The following ERC2 variants were observed in gnomAD, a reference collection of about 807,000 sequenced individuals.
The protein encoded by ERC2 is ERC protein 2.
Under a neutral mutation model 114.8 loss-of-function variants are expected in ERC2, and 42 were observed. The ratio of observed to expected loss-of-function variants is 0.37; its 90% CI spans 0.29 to 0.47. The LOEUF (loss-of-function observed/expected upper bound fraction) is 0.47. Among genes scored for constraint, ERC2 ranks in the 20% least tolerant of loss-of-function variants. ERC2 has a pLI of 0.99. For synonymous variants in ERC2, 454 were observed against 425.5 expected, an observed-to-expected ratio of 1.07 and a Z score of -0.82; for missense variants, 939 against 1,150.7, an observed-to-expected ratio of 0.82 and a Z score of 2.66.
intron 17 of ERC2, among the ~76,000 whole-genome samples, chr3:55,614,970 TG>T (rs2059065563): frequency 1.3e-5 from 2 of 152,256 alleles, no homozygotes; most frequent in Admixed American, 6.5e-5. Context: ...TAAGGAAGTG[TG>T]TTATCACACC....
At chr3:55,671,764 AC>A in intron 17 of ERC2, among the ~76,000 whole-genome samples, 1 of 152,244 alleles carries the variant, frequency 6.6e-6, no homozygotes, top group African/African-American at 2.4e-5. Flanking sequence ...TGGTAGCTCC[AC>A]CTGCTTGGAA....
At chr3:56,347,963 A>G (rs1435824278) in intron 2 of ERC2, among the ~76,000 whole-genome samples, 1 of 152,212 alleles carries the variant, frequency 6.6e-6, no homozygotes, top group Non-Finnish European at 1.5e-5. Flanking sequence ...TGACTGATAC[A>G]TAGTCCAGCA....
intron 1 of ERC2, among the ~76,000 whole-genome samples, chr3:56,453,009 G>C (rs1312308039): frequency 6.6e-6 from 1 of 152,024 alleles, no homozygotes; most frequent in Non-Finnish European, 1.5e-5. Flanking sequence ...CTTGCAATGG[G>C]TCTAAAAAAA....
chr3:56,094,334 C>T (rs1348446446), intron 6 of ERC2, among the ~76,000 whole-genome samples: 3 of 152,076 alleles, frequency 2.0e-5, no homozygotes, highest in African/African-American at 7.2e-5. Flanking sequence ...CCTGCATTCC[C>T]CAGGGCAACC....
Position 55,809,438 on chromosome 3 carries a change from C to T in ERC2, c.2565-74520G>A, listed in dbSNP as rs554309602. Among the ~76,000 whole-genome samples the T allele has an allele frequency of 7.9e-5, 12 of 152,072 alleles. No homozygotes were observed. The South Asian group carries it at 2.1e-3, about 26-fold the overall frequency. On this transcript the variant is annotated intron_variant, in intron 14 of 17. Transcript: ENST00000288221. Reference sequence around the variant, plus strand: ...ATAGCAAAGGAAACAATCAACAGAGCGAAGAGACAACCTGTTGAATGATTA... The same window carrying T: ...ATAGCAAAGGAAACAATCAACAGAGTGAAGAGACAACCTGTTGAATGATTA...
At chr3:55,769,900 T>C (rs1224817187) in intron 14 of ERC2, among the ~76,000 whole-genome samples, 1 of 152,122 alleles carries the variant, frequency 6.6e-6, no homozygotes, top group Non-Finnish European at 1.5e-5. Context: ...ATGTTGTCAT[T>C]CACAATTATT....
intron 17 of ERC2, among the ~76,000 whole-genome samples, chr3:55,586,815 GAAAACAAAATTT>G (rs1351506665): frequency 1.3e-5 from 2 of 152,098 alleles, no homozygotes; most frequent in Non-Finnish European, 2.9e-5. Context: ...GAACAAAATT[GAAAACAAAATTT>G]AAAACACTTA....
intron 17 of ERC2, among the ~76,000 whole-genome samples, chr3:55,519,811 T>C (rs139130760): frequency 6.6e-6 from 1 of 152,212 alleles, no homozygotes; most frequent in African/African-American, 2.4e-5. Context: ...GGTGGGTGGA[T>C]TGCTTGCCCA....
intron 17 of ERC2, among the ~76,000 whole-genome samples, chr3:55,529,763 C>G (rs2053556582): frequency 6.6e-6 from 1 of 152,192 alleles, no homozygotes; most frequent in Non-Finnish European, 1.5e-5. Context: ...CAGTCAACTA[C>G]TGCTCCCTCA....
At chr3:55,738,927 C>T (rs183207169) in intron 14 of ERC2, among the ~76,000 whole-genome samples, 2 of 152,230 alleles carry the variant, frequency 1.3e-5, no homozygotes, top group African/African-American at 4.8e-5. Flanking sequence ...CAACCCCTGA[C>T]AGGCCCCAGT....
At chr3:55,867,461 C>T (rs922217401) in intron 14 of ERC2, among the ~76,000 whole-genome samples, 5 of 152,246 alleles carry the variant, frequency 3.3e-5, no homozygotes, top group Non-Finnish European at 2.9e-5. Flanking sequence ...TACACAATGC[C>T]ATCTGTATTC....
chr3:55,747,041 T>G (rs1305290741), intron 14 of ERC2, among the ~76,000 whole-genome samples: 1 of 152,196 alleles, frequency 6.6e-6, no homozygotes, highest in Non-Finnish European at 1.5e-5. Context: ...TTCAATTTTT[T>G]TCTGTAGTTA....
At chr3:55,951,787 T>C (rs2067536403) in intron 12 of ERC2, among the ~76,000 whole-genome samples, 1 of 151,996 alleles carries the variant, frequency 6.6e-6, no homozygotes, top group Non-Finnish European at 1.5e-5. Flanking sequence ...ATCACTGCTG[T>C]TTTAAAATGT....
intron 12 of ERC2, among the ~76,000 whole-genome samples, chr3:55,950,876 C>A (rs1021138331): frequency 6.6e-6 from 1 of 152,134 alleles, no homozygotes; most frequent in Non-Finnish European, 1.5e-5. Context: ...TTGAAGGAAA[C>A]AAATAGCATG....
chr3:56,433,932 C>T (rs904220445), intron 2 of ERC2: 4 of 173,050 alleles, frequency 2.3e-5, no homozygotes, highest in Non-Finnish European at 5.0e-5. Context: ...AAATAAAAAT[C>T]AATTCACCAG....
intron 14 of ERC2, among the ~76,000 whole-genome samples, chr3:55,848,208 C>T (rs1371993974): frequency 2.0e-5 from 3 of 152,148 alleles, no homozygotes; most frequent in Admixed American, 6.5e-5. Context: ...CATCTGAAGC[C>T]GTCTTGTCCT....
intron 3 of ERC2, among the ~76,000 whole-genome samples, chr3:56,289,385 T>C (rs1450943360): frequency 2.6e-5 from 4 of 152,150 alleles, no homozygotes; most frequent in African/African-American, 9.7e-5. Context: ...TCCCTGCTTT[T>C]GTTCTCTTCC....
chr3:55,774,002 G>T (rs145936765), intron 14 of ERC2, among the ~76,000 whole-genome samples: 3,809 of 152,240 alleles, frequency 0.025, 116 homozygotes, highest in Non-Finnish European at 0.033. Flanking sequence ...ATTCTAACCA[G>T]AAGGCCCATA....
chr3:56,104,047 C>A (rs2078510072), intron 6 of ERC2, among the ~76,000 whole-genome samples: 1 of 152,164 alleles, frequency 6.6e-6, no homozygotes, highest in South Asian at 2.1e-4. Flanking sequence ...AATGAACAAA[C>A]AGATACATCA....
Sources: allele counts gnomAD v4.1 joint callset (sites outside exome capture counted in the v4.1 genomes callset), GRCh38; gene constraint gnomAD v4.1.1; transcripts MANE v1.5; gene names NCBI Gene and HGNC (gene_info 2026-07-23, HGNC 2026-07-21).